The following SYNE3 variants were observed in gnomAD, a reference collection of about 807,000 sequenced individuals.
SYNE3 encodes nesprin-3.
Under a neutral mutation model 111.2 loss-of-function variants are expected in SYNE3, and 100 were observed. The ratio of observed to expected loss-of-function variants is 0.90; its 90% CI spans 0.77 to 1.06. The LOEUF is 1.06. Ranked by LOEUF, SYNE3 falls within the 50% of genes least tolerant of loss-of-function variation. The probability of loss-of-function intolerance (pLI) is 0.00; values close to 1 mark genes in which losing one functional copy is unlikely to be tolerated. For synonymous variants in SYNE3, 547 were observed against 533.9 expected (o/e 1.02, Z -0.34); for missense variants, 1,160 against 1,240.3 (o/e 0.94, Z 0.97).
At chr14:95,504,680 CAGTTAAAAG>C (rs1890463228) in intron 1 of SYNE3, among the ~76,000 whole-genome samples, 1 of 152,132 alleles carries the variant, frequency 6.6e-6, no homozygotes, top group African/African-American at 2.4e-5. Context: ...ATTACTACAT[CAGTTAAAAG>C]ACAATAGGAG....
chr14:95,417,343 T>C lies in SYNE3; in HGVS notation c.*483A>G. ...AGAGTCGCTGGGCACCAAGTGAGGG[T>C]CTATGGCGCTCTTCCACGTTGCAGC... On this transcript the variant is annotated 3_prime_UTR_variant, in exon 18 of 18. Coordinates refer to ENST00000682763, the MANE Select transcript of SYNE3 (RefSeq NM_152592.6). The C allele has an allele frequency of 5.1e-6, 1 of 194,398 alleles. No homozygotes were observed. The highest frequency in any genetic ancestry group is 1.0e-4 in the South Asian group (1 of 9,872). 12.0% of individuals were successfully genotyped at this position (194,398 alleles called of 1,614,324 possible). A position where few individuals can be genotyped will look rare whatever the true frequency, so the allele number is the denominator to read the frequency against.
chr14:95,408,673 G>T lies in SYNE3; in HGVS notation c.*9153C>A. On this transcript the variant is annotated 3_prime_UTR_variant, in exon 18 of 18. Coordinates refer to ENST00000682763, the MANE Select transcript of SYNE3 (RefSeq NM_152592.6). ...GGAGATGTGTGTAGTACTCACACAT[G>T]CTATGCTCACATACGCGTGCATCCC... The T allele has an allele frequency of 4.6e-6, 1 of 215,790 alleles. No individual in the cohort carries two copies. Among genetic ancestry groups the T allele is most frequent in the Non-Finnish European group, 9.4e-6 (1 of 106,060 alleles). 13.4% of individuals were successfully genotyped at this position (215,790 alleles called of 1,614,324 possible).
intron 8 of SYNE3, 79 bp downstream of exon 8, chr14:95,449,852 C>A (rs1171706528): frequency 2.0e-6 from 3 of 1,503,856 alleles, no homozygotes; most frequent in Middle Eastern, 2.4e-4. Context: ...AACGGACCTT[C>A]CCCTGGGAGA....
At position 95,439,179 on chromosome 14, in the gene SYNE3, A is replaced by C. The variant is rs1302054887; in HGVS notation, c.2247-17T>G. On this transcript the variant is annotated splice_polypyrimidine_tract_variant and intron_variant, in intron 13 of 17. Coordinates refer to ENST00000682763, the MANE Select transcript of SYNE3 (RefSeq NM_152592.6). ...CTGATGAGGCTGAGAAGACAAACTCAGCCCAGTCAATGCAGAGATGTGGTG... is the reference window on the plus strand; with the variant it reads ...CTGATGAGGCTGAGAAGACAAACTCCGCCCAGTCAATGCAGAGATGTGGTG... The C allele has an allele frequency of 6.2e-7, 1 of 1,614,046 alleles. No individual in the cohort carries two copies. The highest frequency in any genetic ancestry group is 1.3e-5 in the African/African-American group (1 of 74,946).
intron 11 of SYNE3, among the ~76,000 whole-genome samples, chr14:95,441,589 C>T (rs745727258): frequency 8.5e-5 from 13 of 152,248 alleles, no homozygotes; most frequent in African/African-American, 3.1e-4. Context: ...GCTCAGTTAA[C>T]GCTGCTTCTC....
intron 1 of SYNE3, among the ~76,000 whole-genome samples, chr14:95,494,892 C>T (rs559849335): frequency 1.3e-5 from 2 of 152,128 alleles, no homozygotes; most frequent in African/African-American, 2.4e-5. Flanking sequence ...GTGTGTGGAT[C>T]GCCTGAGGTC....
Position 95,436,931 on chromosome 14 carries a change from G to C in SYNE3, c.2427C>G (p.Leu809=). Residue 809 remains leucine (L), a synonymous_variant, in exon 15 of 18, where the codon CTC becomes CTG. Transcript: ENST00000682763. ...GCAACCACTGCCCAAAGTTCCTCAG[G>C]AGCTGGGAGAAATCTTCATGGCTCC... ...EEGSHEDFSQ[L]LRNFGQWLQV... 1.2e-6 allele frequency: 2 copies of C among 1,614,054 alleles called. No individual in the cohort carries two copies. Among genetic ancestry groups the C allele is most frequent in the South Asian group, 1.1e-5 (1 of 91,060 alleles).
At chr14:95,422,585 G>A (rs1038177865) in intron 17 of SYNE3, among the ~76,000 whole-genome samples, 5 of 152,224 alleles carry the variant, frequency 3.3e-5, no homozygotes, top group African/African-American at 1.2e-4. Flanking sequence ...CTGGGGCCTG[G>A]AGGGAGGAAG....
chr14:95,438,729 C>T, intron 14 of SYNE3: 1 of 280,240 alleles, frequency 3.6e-6, no homozygotes, highest in Non-Finnish European at 6.8e-6. Flanking sequence ...AGCCCCGACA[C>T]TCTCTTCCCT....
rs542626787 is a variant in SYNE3, at chr14:95,411,986, C to T, written c.*5840G>A. The T allele has an allele frequency of 2.6e-5, 4 of 152,332 alleles. No homozygotes were observed. Among genetic ancestry groups the T allele is most frequent in the Non-Finnish European group, 5.9e-5 (4 of 68,126 alleles). 9.4% of individuals were successfully genotyped at this position (152,332 alleles called of 1,614,324 possible). ...TAGTAATGGACACGACAATCAACATCCACAGCCTTAGCCTTAAGCCTCCCC... is the reference window on the plus strand; with the variant it reads ...TAGTAATGGACACGACAATCAACATTCACAGCCTTAGCCTTAAGCCTCCCC... On this transcript the variant is annotated 3_prime_UTR_variant, in exon 18 of 18. Coordinates refer to ENST00000682763, the MANE Select transcript of SYNE3 (RefSeq NM_152592.6).
chr14:95,488,675 G>A (rs1402326460), intron 1 of SYNE3, among the ~76,000 whole-genome samples: 2 of 137,812 alleles, frequency 1.5e-5, no homozygotes, highest in Middle Eastern at 3.5e-3. Context: ...AAAGAGGGGT[G>A]GGGTGGGGAG....
At chr14:95,443,084 A>G in intron 11 of SYNE3, 71 bp downstream of exon 11, 1 of 1,566,382 alleles carries the variant, frequency 6.4e-7, no homozygotes, top group Non-Finnish European at 8.7e-7. Context: ...AGGGGAAGAA[A>G]GGCCCCAGGC....
chr14:95,463,664 A>G (rs940503221), intron 4 of SYNE3, among the ~76,000 whole-genome samples: 1 of 152,232 alleles, frequency 6.6e-6, no homozygotes, highest in African/African-American at 2.4e-5. Context: ...GATGAGGGCC[A>G]ATTGGCTGCC....
At chr14:95,498,079 T>G (rs72692797) in intron 1 of SYNE3, among the ~76,000 whole-genome samples, 12,906 of 151,452 alleles carry the variant, frequency 0.085, 609 homozygotes, top group African/African-American at 0.097. Context: ...TGAAATCATG[T>G]GTACATTTCT....
chr14:95,513,360 C>T lies in SYNE3; in HGVS notation c.-15+3236G>A, dbSNP rs10134912. On this transcript the variant is annotated intron_variant, in intron 1 of 17. Transcript: ENST00000682763. The stretch of plus-strand genomic sequence containing the variant: ...GGAGATGCTAGGATTCTCTATACCA[C>T]GTCTGCAGCCTAGAAACCCAGGCGA... 4.1e-3 allele frequency among the ~76,000 whole-genome samples: 625 copies of T among 152,230 alleles called. 5 individuals carry two copies. The highest frequency in any genetic ancestry group is 0.014 in the African/African-American group (593 of 41,522).
At chr14:95,453,877 T>G (rs183317970) in intron 6 of SYNE3, among the ~76,000 whole-genome samples, 39 of 152,360 alleles carry the variant, frequency 2.6e-4, no homozygotes, top group Non-Finnish European at 3.2e-4. Flanking sequence ...CATGACCTTT[T>G]TCTAGGCTCA....
intron 4 of SYNE3, among the ~76,000 whole-genome samples, chr14:95,464,244 G>A (rs1888021061): frequency 6.6e-6 from 1 of 152,214 alleles, no homozygotes; most frequent in South Asian, 2.1e-4. Context: ...ACCAAGGGAA[G>A]GGATATTCCC....
chr14:95,457,274 T>G lies in SYNE3; in HGVS notation c.692A>C (p.Glu231Ala). ...EHEEYQAGVD[E>A]FQLWLKAVVE... ...CACCGCCTTCAGCCACAGTTGGAAC[T>G]CGTCCACACCTGCCTGGTACTCCTC... The change falls in exon 5 of 18, where the codon GAG becomes GCG. Residue 231 changes from glutamate (E) to alanine (A), a missense_variant. Transcript: ENST00000682763. The G allele has an allele frequency of 6.2e-7, 1 of 1,614,098 alleles. No individual in the cohort carries two copies. Among genetic ancestry groups the G allele is most frequent in the Non-Finnish European group, 8.5e-7 (1 of 1,180,014 alleles).
chr14:95,514,140 G>A (rs75247418), intron 1 of SYNE3, among the ~76,000 whole-genome samples: 10,319 of 152,178 alleles, frequency 0.068, 382 homozygotes, highest in Admixed American at 0.078. Flanking sequence ...AGGAACCTGG[G>A]AAAGAGTCCC....
Sources: allele counts gnomAD v4.1 joint callset (sites outside exome capture counted in the v4.1 genomes callset), GRCh38; gene constraint gnomAD v4.1.1; transcripts MANE v1.5; gene names NCBI Gene and HGNC (gene_info 2026-07-23, HGNC 2026-07-21).